MTARC2: variants seen among roughly 807,000 people sequenced by gnomAD.
MTARC2 encodes the protein MOCO sulphurase C-terminal domain containing 2.
MTARC2 carries 27 observed loss-of-function variants against 35.6 expected under a neutral mutation model. That is an observed-to-expected ratio of 0.76 (90% CI 0.56 to 1.04). MTARC2 has a LOEUF of 1.04. MTARC2 is among the 50% of genes least tolerant of loss of function. The pLI, the probability that MTARC2 is intolerant of heterozygous loss-of-function variation, is 0.00. For synonymous variants in MTARC2, 158 were observed against 167.1 expected, an observed-to-expected ratio of 0.95 and a Z score of 0.42; for missense variants, 412 against 432.5, an observed-to-expected ratio of 0.95 and a Z score of 0.42.
intron 1 of MTARC2, among the ~76,000 whole-genome samples, chr1:220,753,879 A>G (rs1254919599): frequency 2.0e-5 from 3 of 152,054 alleles, no homozygotes; most frequent in South Asian, 4.2e-4. Context: ...GCGAAACCCC[A>G]TCTCTACTAA....
intron 2 of MTARC2, among the ~76,000 whole-genome samples, chr1:220,757,100 C>T (rs1230552626): frequency 1.3e-5 from 2 of 152,224 alleles, no homozygotes; most frequent in African/African-American, 4.8e-5. Context: ...TGGGGTTTCA[C>T]CATGTTGGCC....
chr1:220,779,835 A>G (rs12033732), intron 4 of MTARC2, 183 bp from the exon 5 acceptor site: 5,796 of 462,788 alleles, frequency 0.013, 106 homozygotes, highest in East Asian at 0.052. Context: ...GGGAGTCAAG[A>G]GGTGGACCTG....
chr1:220,771,455 A>G (rs1480391615), intron 4 of MTARC2, among the ~76,000 whole-genome samples: 1 of 152,156 alleles, frequency 6.6e-6, no homozygotes, highest in East Asian at 1.9e-4. Context: ...AGGAGCATAC[A>G]CCAGATATTG....
At chr1:220,778,086 T>C (rs1282225772) in intron 4 of MTARC2, among the ~76,000 whole-genome samples, 1 of 151,406 alleles carries the variant, frequency 6.6e-6, no homozygotes, top group Non-Finnish European at 1.5e-5. Context: ...GTACTAAAAA[T>C]ACAAAAATTA....
chr1:220,755,219 T>A (rs1220522457), intron 2 of MTARC2, 99 bp downstream of exon 2: 13 of 1,281,234 alleles, frequency 1.0e-5, no homozygotes, highest in Non-Finnish European at 1.2e-5. Flanking sequence ...CAGTAGAGGA[T>A]GACATTGGTA....
At chr1:220,773,891 T>C (rs1334356285) in intron 4 of MTARC2, among the ~76,000 whole-genome samples, 5 of 152,060 alleles carry the variant, frequency 3.3e-5, no homozygotes, top group Non-Finnish European at 7.4e-5. Context: ...TCCAGATTTA[T>C]TGCTATAAAT....
chr1:220,776,801 A>G (rs955459885), intron 4 of MTARC2, among the ~76,000 whole-genome samples: 6 of 152,338 alleles, frequency 3.9e-5, no homozygotes, highest in South Asian at 2.1e-4. Context: ...GCTCTCACAC[A>G]CAAAAAATTG....
At chr1:220,751,617 C>T (rs1558061994) in intron 1 of MTARC2, among the ~76,000 whole-genome samples, 2 of 152,156 alleles carry the variant, frequency 1.3e-5, no homozygotes, top group Non-Finnish European at 2.9e-5. Context: ...CCTTCCTGCT[C>T]CCCAGGCCAG....
chr1:220,782,283 AT>A (rs3830379), intron 7 of MTARC2, among the ~76,000 whole-genome samples: 1 of 152,190 alleles, frequency 6.6e-6, no homozygotes, highest in East Asian at 1.9e-4. Context: ...TTATGTATTT[AT>A]TTTTTCTGTC....
chr1:220,757,241 T>C (rs1671304986), intron 2 of MTARC2, among the ~76,000 whole-genome samples: 1 of 152,188 alleles, frequency 6.6e-6, no homozygotes, highest in African/African-American at 2.4e-5. Context: ...ATGCATGAAT[T>C]GTAGATCTGG....
intron 1 of MTARC2, among the ~76,000 whole-genome samples, chr1:220,749,819 C>T (rs947846075): frequency 5.9e-5 from 9 of 152,126 alleles, no homozygotes; most frequent in Admixed American, 2.0e-4. Context: ...TCAAGGATTC[C>T]TCTAGCAGAG....
intron 2 of MTARC2, among the ~76,000 whole-genome samples, chr1:220,756,014 T>C (rs1494373): frequency 0.13 from 20,287 of 152,226 alleles, 1,820 homozygotes; most frequent in East Asian, 0.26. Context: ...TCCAGAGCTT[T>C]TCAAGTTGAC....
intron 4 of MTARC2, among the ~76,000 whole-genome samples, chr1:220,774,686 A>AAAGACAT (rs369055681): frequency 0.024 from 3,586 of 152,170 alleles, 110 homozygotes; most frequent in African/African-American, 0.064. Flanking sequence ...CTGTGGTCTT[A>AAAGACAT]CAAGTGATGT....
intron 4 of MTARC2, among the ~76,000 whole-genome samples, chr1:220,775,087 T>C (rs1671863714): frequency 6.6e-6 from 1 of 152,196 alleles, no homozygotes; most frequent in South Asian, 2.1e-4. Context: ...GGCAAATGCC[T>C]ACATGGATCT....
intron 4 of MTARC2, among the ~76,000 whole-genome samples, chr1:220,772,601 G>A (rs1213931619): frequency 6.6e-6 from 1 of 152,142 alleles, no homozygotes; most frequent in African/African-American, 2.4e-5. Context: ...GTGGGATCAA[G>A]GCTACAGTAG....
At chr1:220,767,922 C>T (rs1671626302) in intron 4 of MTARC2, among the ~76,000 whole-genome samples, 1 of 152,216 alleles carries the variant, frequency 6.6e-6, no homozygotes, top group Non-Finnish European at 1.5e-5. Flanking sequence ...GATCACTAGA[C>T]TTTTCAGTCC....
chr1:220,754,225 C>G, intron 1 of MTARC2: 1 of 433,336 alleles, frequency 2.3e-6, no homozygotes, highest in Admixed American at 2.4e-5. Context: ...CCAACTGGGC[C>G]TGGCCAGCTT....
In MTARC2 at chr1:220,763,141, C is replaced by T. The variant is rs559020245; in HGVS notation, c.750+91C>T. On this transcript the variant is annotated intron_variant, in intron 4 of 7. Transcript: ENST00000366913. ...GCTCTAGCCAGAGCCAACTCAGATC[C>T]GCCAGGGTCCAGTCATTCACTCATT... The T allele has an allele frequency of 2.5e-4, 388 of 1,556,504 alleles. 1 individual carries two copies. The African/African-American group carries it at 3.1e-3, about 12-fold the overall frequency.
At chr1:220,762,331 C>T (rs886790269) in intron 3 of MTARC2, among the ~76,000 whole-genome samples, 4 of 152,058 alleles carry the variant, frequency 2.6e-5, no homozygotes, top group African/African-American at 9.7e-5. Context: ...TACAGAGTGC[C>T]GACATGTACG....
Sources: allele counts gnomAD v4.1 joint callset (sites outside exome capture counted in the v4.1 genomes callset), GRCh38; gene constraint gnomAD v4.1.1; transcripts MANE v1.5; gene names NCBI Gene and HGNC (gene_info 2026-07-23, HGNC 2026-07-21).